HMGA2: variants seen among roughly 807,000 people sequenced by gnomAD.
HMGA2 encodes the protein high mobility group AT-hook 2.
HMGA2 carries 8 observed loss-of-function variants against 19.1 expected under a neutral mutation model. That is an observed-to-expected ratio of 0.42 (90% CI 0.25 to 0.76). The LOEUF (loss-of-function observed/expected upper bound fraction) is 0.76. HMGA2 is among the 30% of genes least tolerant of loss of function. The pLI, the probability that HMGA2 is intolerant of heterozygous loss-of-function variation, is 0.28. For missense variants in HMGA2, 109 were observed against 136.3 expected, an observed-to-expected ratio of 0.80 and a Z score of 1.00; for synonymous variants, 60 against 48.8, an observed-to-expected ratio of 1.23 and a Z score of -0.96.
intron 2 of HMGA2, among the ~76,000 whole-genome samples, chr12:65,837,323 CCTATCCATCTATCTGT>C (rs1185717786): frequency 6.6e-6 from 1 of 152,100 alleles, no homozygotes; most frequent in Non-Finnish European, 1.5e-5. Flanking sequence ...TGTCTATCTG[CCTATCCATCTATCTGT>C]TTGTCAACTA....
chr12:65,915,217 C>G, intron 3 of HMGA2: 1 of 1,597,972 alleles, frequency 6.3e-7, no homozygotes, highest in Non-Finnish European at 8.5e-7. Flanking sequence ...TTATGTGTGG[C>G]TTTCTCCGAT....
intron 3 of HMGA2, among the ~76,000 whole-genome samples, chr12:65,910,132 T>A (rs1005369972): frequency 1.3e-5 from 2 of 152,202 alleles, no homozygotes; most frequent in Non-Finnish European, 2.9e-5. Flanking sequence ...ACGAGGCTCC[T>A]GTCCACCTCC....
Position 65,833,118 on chromosome 12 carries a change from A to G in HMGA2, c.198+5031A>G, listed in dbSNP as rs1870547110. On this transcript the variant is annotated intron_variant, in intron 2 of 4. Transcript: ENST00000403681. ...ACTTATATTTTCTATTGGAAAATAT[A>G]TTGTGATAGCAAATTGTAATGTCTC... Among the ~76,000 whole-genome samples the G allele has an allele frequency of 3.3e-5, 5 of 152,110 alleles. No individual in the cohort carries two copies. The South Asian group carries it at 8.3e-4, about 25-fold the overall frequency.
At chr12:65,900,381 A>G (rs553646563) in intron 3 of HMGA2, among the ~76,000 whole-genome samples, 1 of 152,112 alleles carries the variant, frequency 6.6e-6, no homozygotes, top group African/African-American at 2.4e-5. Flanking sequence ...TCTCCCCTGG[A>G]CTCCTTTTCA....
chr12:65,879,331 G>T (rs1282635393), intron 3 of HMGA2, among the ~76,000 whole-genome samples: 44 of 150,252 alleles, frequency 2.9e-4, no homozygotes, highest in Non-Finnish European at 5.0e-4. Flanking sequence ...GCTTCGCCAT[G>T]TTGCCCAGGC....
intron 3 of HMGA2, among the ~76,000 whole-genome samples, chr12:65,870,406 G>T (rs755804828): frequency 1.9e-4 from 29 of 152,190 alleles, no homozygotes; most frequent in Non-Finnish European, 3.8e-4. Flanking sequence ...TGACACTTCA[G>T]CTGAGCCCTA....
chr12:65,936,488 G>T lies in HMGA2; in HGVS notation c.250-14895G>T, dbSNP rs1290632521. Reference sequence around the variant, plus strand: ...TAGAATTCCAAACGCCACAGAAACGGCCAGGCTTAAGTGACTAACTTGCAA... The same window carrying T: ...TAGAATTCCAAACGCCACAGAAACGTCCAGGCTTAAGTGACTAACTTGCAA... On this transcript the variant is annotated intron_variant, in intron 3 of 4. Transcript: ENST00000403681. 3.9e-5 allele frequency among the ~76,000 whole-genome samples: 6 copies of T among 152,172 alleles called. 1 individual carries two copies. In the South Asian group the frequency reaches 1.2e-3, roughly 32 times the overall value.
chr12:65,888,798 C>T (rs1873782594), intron 3 of HMGA2, among the ~76,000 whole-genome samples: 1 of 150,488 alleles, frequency 6.6e-6, no homozygotes, highest in African/African-American at 2.4e-5. Context: ...CTCCTGACCT[C>T]GTGATCCGCC....
intron 3 of HMGA2, chr12:65,858,383 T>C (rs1376634812): frequency 3.3e-5 from 5 of 152,064 alleles, no homozygotes. Flanking sequence ...CCTAAAAGTA[T>C]TGTATTCAGT....
Position 65,825,283 on chromosome 12 carries a change from G to A in HMGA2, c.13G>A (p.Gly5Ser), listed in dbSNP as rs760771175. The A allele has an allele frequency of 7.8e-6, 12 of 1,531,574 alleles. No homozygotes were observed. In the South Asian group the frequency reaches 1.4e-4, roughly 18 times the overall value. The allele number at this position is 1,531,574 out of a possible 1,614,324, so 94.9% of individuals were successfully genotyped here. A position where few individuals can be genotyped will look rare whatever the true frequency, so the allele number is the denominator to read the frequency against. The change falls in exon 1 of 5, where the codon GGT (glycine) becomes AGT (serine). Residue 5 changes from glycine to serine, a missense_variant. Gly to Ser is a moderately conservative substitution (Grantham distance 56). Transcript: ENST00000403681. This position sits in a 1 kb window ranked among gnomAD's most constrained non-coding sequence, Gnocchi z 4.4. MSAR[G>S]EGAGQPSTSA... ...GGCGGGAGGCAGGATGAGCGCACGC[G>A]GTGAGGGCGCGGGGCAGCCGTCCAC... is the stretch of plus-strand genomic sequence containing the variant.
intron 3 of HMGA2, chr12:65,842,004 T>A (rs573893185): frequency 5.5e-5 from 58 of 1,053,648 alleles, no homozygotes; most frequent in African/African-American, 5.0e-4. Flanking sequence ...TTTTTTTTTT[T>A]ATCCCCCTAG....
chr12:65,861,641 A>AG (rs1302776058), intron 3 of HMGA2, among the ~76,000 whole-genome samples: 2 of 150,510 alleles, frequency 1.3e-5, no homozygotes, highest in Non-Finnish European at 3.0e-5. Context: ...AAAAAAAAAA[A>AG]CCTAGATACT....
chr12:65,829,005 G>A (rs1200133138), intron 2 of HMGA2: 1 of 152,140 alleles, frequency 6.6e-6, no homozygotes, highest in Non-Finnish European at 1.5e-5. Context: ...GGTTTGTGTA[G>A]TAATTGAGAA....
At chr12:65,933,927 C>T (rs1875805004) in intron 3 of HMGA2, among the ~76,000 whole-genome samples, 1 of 152,130 alleles carries the variant, frequency 6.6e-6, no homozygotes, top group Admixed American at 6.5e-5. Flanking sequence ...TAATATAGAA[C>T]TGCCCTGGGA....
At chr12:65,880,680 C>T (rs373921186) in intron 3 of HMGA2, among the ~76,000 whole-genome samples, 8 of 152,102 alleles carry the variant, frequency 5.3e-5, no homozygotes, top group South Asian at 4.1e-4. Flanking sequence ...AAGACCTCAT[C>T]GATATCTCCC....
chr12:65,963,161 A>G (rs1876800680), intron 4 of HMGA2, 84 bp from the exon 5 acceptor site: 1 of 1,278,802 alleles, frequency 7.8e-7, no homozygotes, highest in Non-Finnish European at 1.1e-6. Context: ...TGCTGTGGAA[A>G]CAGGTTACCT....
At chr12:65,846,445 G>A (rs1025292510) in intron 3 of HMGA2, among the ~76,000 whole-genome samples, 1 of 152,180 alleles carries the variant, frequency 6.6e-6, no homozygotes, top group African/African-American at 2.4e-5. Context: ...CTGTTTGGGT[G>A]TTAAGAGGCC....
At chr12:65,927,431 A>G (rs1421123631) in intron 3 of HMGA2, among the ~76,000 whole-genome samples, 1 of 152,214 alleles carries the variant, frequency 6.6e-6, no homozygotes, top group East Asian at 1.9e-4. Flanking sequence ...TTTTGCTGCC[A>G]AATATAAAAA....
intron 3 of HMGA2, among the ~76,000 whole-genome samples, chr12:65,922,651 G>T (rs2121244491): frequency 6.6e-6 from 1 of 152,230 alleles, no homozygotes; most frequent in Middle Eastern, 3.4e-3. Context: ...GGGGACTGTT[G>T]GGAAGGCATG....
Sources: gnomAD v4.1 joint callset for allele counts (sites outside exome capture counted in the v4.1 genomes callset) on GRCh38, gnomAD v4.1.1 for gene constraint, Gnocchi (gnomAD v3.1) non-coding constraint, MANE v1.5 for transcripts, NCBI Gene and HGNC (gene_info 2026-07-23, HGNC 2026-07-21) for gene names.